NOX3: variants seen among roughly 807,000 people sequenced by gnomAD.
The protein encoded by NOX3 is NADPH oxidase catalytic subunit-like 3.
A neutral mutation model predicts 76.7 loss-of-function variants in NOX3; 74 were observed. The observed-to-expected ratio is 0.96, with a 90% CI of 0.80 to 1.17. The LOEUF is 1.17. Ranked by LOEUF, NOX3 falls within the 50% of genes most tolerant of loss-of-function variation. The pLI is 0.00. For missense variants in NOX3, 695 were observed against 703.3 expected, an observed-to-expected ratio of 0.99 and a Z score of 0.13; for synonymous variants, 263 against 261.1, an observed-to-expected ratio of 1.01 and a Z score of -0.07.
At chr6:155,443,201 G>C in intron 5 of NOX3, 72 bp downstream of exon 5, 1 of 1,400,930 alleles carries the variant, frequency 7.1e-7, no homozygotes. Context: ...TTTCAATATA[G>C]CGTTCCTGAT....
intron 9 of NOX3, 33 bp from the exon 10 acceptor site, chr6:155,422,889 C>T (rs1466678205): frequency 2.5e-6 from 4 of 1,610,568 alleles, no homozygotes; most frequent in Non-Finnish European, 2.5e-6. Flanking sequence ...CCTATTTGAC[C>T]TTCAGAACAC....
chr6:155,443,216 G>A, intron 5 of NOX3, 57 bp downstream of exon 5: 1 of 1,553,944 alleles, frequency 6.4e-7, no homozygotes, highest in Non-Finnish European at 8.8e-7. Context: ...CCTGATTAGA[G>A]GACTGGAAAA....
chr6:155,438,344 A>G (rs565769052), intron 6 of NOX3, among the ~76,000 whole-genome samples: 6 of 152,366 alleles, frequency 3.9e-5, no homozygotes, highest in African/African-American at 1.4e-4. Flanking sequence ...AGCCAATCCC[A>G]GAGACCTCTA....
intron 4 of NOX3, among the ~76,000 whole-genome samples, chr6:155,450,938 A>G (rs577684548): frequency 2.0e-5 from 3 of 152,242 alleles, no homozygotes; most frequent in Non-Finnish European, 4.4e-5. Context: ...GCAAACTTCC[A>G]ACTAACTCTG....
chr6:155,431,535 A>G (rs1179717535), intron 7 of NOX3, among the ~76,000 whole-genome samples: 1 of 152,146 alleles, frequency 6.6e-6, no homozygotes, highest in Non-Finnish European at 1.5e-5. Context: ...ATAATTGTCT[A>G]GAGAATTGTG....
intron 1 of NOX3, 34 bp from the exon 2 acceptor site, chr6:155,455,163 T>C: frequency 1.4e-6 from 2 of 1,381,646 alleles, no homozygotes; most frequent in Non-Finnish European, 2.0e-6. Flanking sequence ...CAATGATTAC[T>C]ACCTTCAAGC....
chr6:155,404,184 T>C (rs562740885), intron 12 of NOX3, among the ~76,000 whole-genome samples: 56 of 152,016 alleles, frequency 3.7e-4, no homozygotes, highest in Non-Finnish European at 5.6e-4. Flanking sequence ...TTTTCTCATA[T>C]AAGCTTTTAA....
intron 6 of NOX3, 60 bp from the exon 7 acceptor site, chr6:155,436,607 G>A (rs1776908024): frequency 6.3e-7 from 1 of 1,594,688 alleles, no homozygotes; most frequent in African/African-American, 1.3e-5. Flanking sequence ...CTGATTTTGA[G>A]CAGTCTTGTT....
rs1445795495 is a variant in NOX3 at position 155,454,867 on chromosome 6, G to A, written c.199C>T (p.Leu67=). 1.2e-6 allele frequency: 2 copies of A among 1,610,386 alleles called. No homozygotes were observed. The highest frequency in any genetic ancestry group is 8.5e-7 in the Non-Finnish European group (1 of 1,179,164). ...SALCLNFNCM[L]ILIPVSRNLI... ...TTTCGACTGACAGGTATTAGAATTA[G>A]CATGCAGTTAAAATTCAGGCACAGT... The change falls in exon 3 of 14, where the codon CTA becomes TTA. Residue 67 remains leucine (L), a synonymous_variant. Transcript: ENST00000159060.
chr6:155,453,527 T>A (rs764440438), intron 3 of NOX3, 39 bp from the exon 4 acceptor site: 72 of 1,468,668 alleles, frequency 4.9e-5, no homozygotes, highest in Admixed American at 1.8e-4. Flanking sequence ...TATGGAAAAA[T>A]TGCAGTGAAA....
At chr6:155,414,135 C>T (rs1776592950) in intron 10 of NOX3, among the ~76,000 whole-genome samples, 1 of 152,074 alleles carries the variant, frequency 6.6e-6, no homozygotes, top group Non-Finnish European at 1.5e-5. Flanking sequence ...GTGTAAGAGG[C>T]TATGGAGGAA....
chr6:155,441,441 T>G (rs1444493214), intron 5 of NOX3, among the ~76,000 whole-genome samples: 1 of 152,242 alleles, frequency 6.6e-6, no homozygotes, highest in Non-Finnish European at 1.5e-5. Flanking sequence ...TTTCACATCA[T>G]TCTTCCTTGC....
Position 155,411,259 on chromosome 6 carries a change from G to A in NOX3, c.1410C>T (p.His470=). The change falls in exon 11 of 14, where the codon CAC becomes CAT. Residue 470 remains histidine, a synonymous_variant. Transcript: ENST00000159060. The part of the protein sequence containing the change: ...ETRMSEQGKT[H]FLSYHIFLTG... ...TAAGAAATATATGATAACTCAGAAA[G>A]TGAGTTTTCCCCTGCTCACTCATCC... 3 of 1,613,990 alleles carry A rather than the reference G, an allele frequency of 1.9e-6. No individual in the cohort carries two copies. The highest frequency in any genetic ancestry group is 2.5e-6 in the Non-Finnish European group (3 of 1,179,870).
intron 7 of NOX3, among the ~76,000 whole-genome samples, chr6:155,432,024 C>T: frequency 6.6e-6 from 1 of 152,218 alleles, no homozygotes. Flanking sequence ...ATACTGCATG[C>T]TCTTGGAAAT....
At chr6:155,412,341 T>G (rs1252691808) in intron 10 of NOX3, among the ~76,000 whole-genome samples, 1 of 152,164 alleles carries the variant, frequency 6.6e-6, no homozygotes, top group Non-Finnish European at 1.5e-5. Context: ...ATCAGAGATA[T>G]AAATGAGATT....
intron 1 of NOX3, 76 bp downstream of exon 1, chr6:155,455,677 C>A (rs532398697): frequency 1.7e-6 from 2 of 1,153,056 alleles, no homozygotes; most frequent in South Asian, 2.6e-5. Context: ...ATTTAGCGTT[C>A]CTATACAAGT....
In NOX3 at chr6:155,411,263, G is replaced by A. The variant is rs372764483; in HGVS notation, c.1406C>T (p.Thr469Ile). The A allele has an allele frequency of 2.5e-5, 40 of 1,613,912 alleles. No homozygotes were observed. The highest frequency in any genetic ancestry group is 5.0e-5 in the Admixed American group (3 of 59,990). ...LETRMSEQGK[T>I]HFLSYHIFLT... is the part of the protein sequence containing the mutation. ...AAATATATGATAACTCAGAAAGTGAGTTTTCCCCTGCTCACTCATCCGTGT... is the reference window on the plus strand; with the variant it reads ...AAATATATGATAACTCAGAAAGTGAATTTTCCCCTGCTCACTCATCCGTGT... The change falls in exon 11 of 14, where the codon ACT becomes ATT. Residue 469 changes from threonine (T) to isoleucine (I), a missense_variant. By Grantham distance (89) the Thr-to-Ile change is moderately conservative. Coordinates refer to ENST00000159060, the MANE Select transcript of NOX3 (RefSeq NM_015718.3).
intron 10 of NOX3, among the ~76,000 whole-genome samples, chr6:155,416,744 C>CTTTTTTTTTTTTTTTTTTTTTTTTTT (rs534711414): frequency 4.3e-5 from 4 of 92,532 alleles, no homozygotes; most frequent in African/African-American, 1.2e-4. Context: ...CTGAAACATT[C>CTTTTTTTTTTTTTTTTTTTTTTTTTT]TTTTTTTTTT....
intron 11 of NOX3, among the ~76,000 whole-genome samples, chr6:155,409,552 C>T (rs774607508): frequency 1.3e-5 from 2 of 152,192 alleles, no homozygotes; most frequent in Non-Finnish European, 2.9e-5. Flanking sequence ...TCTCCAAACT[C>T]TGTTGATTTA....
Sources: allele counts gnomAD v4.1 joint callset (sites outside exome capture counted in the v4.1 genomes callset), GRCh38; gene constraint gnomAD v4.1.1; transcripts MANE v1.5; gene names NCBI Gene and HGNC (gene_info 2026-07-23, HGNC 2026-07-21).